RAP1GAP2: variants seen among roughly 807,000 people sequenced by gnomAD.
RAP1GAP2 encodes the protein RAP1 GTPase activating protein 2.
In RAP1GAP2, 27 loss-of-function variants were observed where a neutral mutation model predicts 95.0. That is an observed-to-expected ratio of 0.28 (90% CI 0.21 to 0.39). The LOEUF (loss-of-function observed/expected upper bound fraction) is 0.39. Among genes scored for constraint, RAP1GAP2 ranks in the 10% least tolerant of loss-of-function variants. The pLI, the probability that RAP1GAP2 is intolerant of heterozygous loss-of-function variation, is 1.00. For synonymous variants in RAP1GAP2, 373 were observed against 380.9 expected, an observed-to-expected ratio of 0.98 and a Z score of 0.24; for missense variants, 771 against 970.0, an observed-to-expected ratio of 0.79 and a Z score of 2.72.
chr17:2,941,075 G>C (rs2043475724), intron 3 of RAP1GAP2, among the ~76,000 whole-genome samples: 1 of 152,178 alleles, frequency 6.6e-6, no homozygotes, highest in African/African-American at 2.4e-5. Context: ...AGAGTTTTAA[G>C]CTGCGAACTG....
intron 2 of RAP1GAP2, among the ~76,000 whole-genome samples, chr17:2,835,060 C>T (rs1049252168): frequency 2.7e-5 from 4 of 149,464 alleles, no homozygotes; most frequent in African/African-American, 4.9e-5. Context: ...GCTGGGACTA[C>T]AGGCGCCCGC....
At chr17:2,774,884 G>A (rs533695185), upstream of RAP1GAP2, among the ~76,000 whole-genome samples, 592 of 142,676 alleles carry the variant, frequency 4.1e-3, 2 homozygotes, top group African/African-American at 0.015. Context: ...GCAGTGATGC[G>A]ATCTCAGCTC....
chr17:3,030,858 C>T (rs913216205), intron 22 of RAP1GAP2, 64 bp from the exon 23 acceptor site: 6 of 1,471,874 alleles, frequency 4.1e-6, no homozygotes, highest in Admixed American at 1.9e-5. Context: ...CTAGCCAGTC[C>T]CCACACACAG....
At chr17:2,815,456 A>ATATTAT (rs10675930) in intron 2 of RAP1GAP2, among the ~76,000 whole-genome samples, 17,309 of 139,942 alleles carry the variant, frequency 0.12, 1,279 homozygotes, top group African/African-American at 0.2. Flanking sequence ...AACATCTCTG[A>ATATTAT]TATTATTATT....
chr17:2,906,182 G>A lies in RAP1GAP2; in HGVS notation c.165+814G>A, dbSNP rs536624482. ...CACCTGCCTCCTGAGTCATCTGAGG[G>A]GACATCTAGGCCAGCTCCTCTCTGT... On this transcript the variant is annotated intron_variant, in intron 3 of 24. Transcript: ENST00000254695. This position sits in a 1 kb window ranked among gnomAD's most constrained non-coding sequence, Gnocchi z 4.3. Among the ~76,000 whole-genome samples the A allele has an allele frequency of 9.2e-5, 14 of 152,210 alleles. No individual in the cohort carries two copies. Among genetic ancestry groups the A allele is most frequent in the South Asian group, 6.2e-4 (3 of 4,828 alleles).
At chr17:2,911,125 G>C (rs935701988) in intron 3 of RAP1GAP2, among the ~76,000 whole-genome samples, 2 of 152,200 alleles carry the variant, frequency 1.3e-5, no homozygotes, top group Non-Finnish European at 2.9e-5. Flanking sequence ...GGAAGGGCTG[G>C]CTGGAGCAGT....
intron 2 of RAP1GAP2, among the ~76,000 whole-genome samples, chr17:2,898,825 G>A (rs374087852): frequency 2.0e-5 from 3 of 150,334 alleles, no homozygotes; most frequent in Admixed American, 1.3e-4. Context: ...TCCTCATAAC[G>A]CCCCATGAGG....
chr17:2,927,321 T>C (rs902873942), intron 3 of RAP1GAP2, among the ~76,000 whole-genome samples: 1 of 151,098 alleles, frequency 6.6e-6, no homozygotes, highest in African/African-American at 2.4e-5. Flanking sequence ...GCCCGGCTAA[T>C]TTTTTGTATT....
chr17:2,766,102 G>T (rs1412715667), intron 1 of RAP1GAP2, among the ~76,000 whole-genome samples: 1 of 152,216 alleles, frequency 6.6e-6, no homozygotes, highest in East Asian at 1.9e-4. Flanking sequence ...GACAGATGCT[G>T]TGGTTGGGCG....
chr17:3,008,413 A>T lies in RAP1GAP2; in HGVS notation c.1494+268A>T, dbSNP rs1357920501. 2.0e-5 allele frequency among the ~76,000 whole-genome samples: 3 copies of T among 152,186 alleles called. No homozygotes were observed. The highest frequency in any genetic ancestry group is 7.2e-5 in the African/African-American group (3 of 41,444). ...GGGCCCAGAAGTCTGTTAAGCAGGG[A>T]CAGGTAAAGAGGTAGCAGTAGGAGA... On this transcript the variant is annotated intron_variant, in intron 17 of 24. Transcript: ENST00000254695. The surrounding 1 kb of genome is among the most constrained non-coding windows in gnomAD (Gnocchi z 4.2).
intron 3 of RAP1GAP2, among the ~76,000 whole-genome samples, chr17:2,922,906 T>G (rs2317394): frequency 0.84 from 125,006 of 148,542 alleles, 53,034 homozygotes; most frequent in African/African-American, 0.96. Flanking sequence ...GACCTTGCAC[T>G]ACCTTGGCTT....
chr17:2,770,316 G>C, intron 1 of RAP1GAP2: 2 of 398,636 alleles, frequency 5.0e-6, no homozygotes, highest in Non-Finnish European at 8.8e-6. Context: ...ACTCTCTCCT[G>C]TCCTGCCCAC....
intron 2 of RAP1GAP2, among the ~76,000 whole-genome samples, chr17:2,809,142 C>T (rs1049771697): frequency 1.3e-5 from 2 of 152,178 alleles, no homozygotes; most frequent in African/African-American, 4.8e-5. Context: ...CCCTGCCATG[C>T]CCAGGAAGCC....
chr17:2,956,274 G>T (rs532519044), intron 3 of RAP1GAP2, among the ~76,000 whole-genome samples: 30 of 152,220 alleles, frequency 2.0e-4, no homozygotes, highest in Non-Finnish European at 8.8e-5. Flanking sequence ...ACATTCACAC[G>T]TGGGGTTTCT....
At position 2,871,466 on chromosome 17, in the gene RAP1GAP2, CAA is replaced by C. The variant is rs974925781; in HGVS notation, c.81-33817_81-33816del. Among the ~76,000 whole-genome samples, 1 of 152,140 alleles carries C rather than the reference CAA, an allele frequency of 6.6e-6. No homozygotes were observed. The highest frequency in any genetic ancestry group is 1.5e-5 in the Non-Finnish European group (1 of 68,022). On this transcript the variant is annotated intron_variant, in intron 2 of 24. Transcript: ENST00000254695. The surrounding 1 kb of genome is among the most constrained non-coding windows in gnomAD (Gnocchi z 5.0). ...CTCTGGTCAGAGTGGTGTTGTGTTA[CAA>C]GAGTCCTGTCCAGCGGGAGAGGGGC...
rs886524610 is a variant in RAP1GAP2, at chr17:2,870,160, C to T, written c.81-35124C>T. On this transcript the variant is annotated intron_variant, in intron 2 of 24. Coordinates refer to ENST00000254695, the MANE Select transcript of RAP1GAP2 (RefSeq NM_015085.5). The surrounding 1 kb of genome is among the most constrained non-coding windows in gnomAD (Gnocchi z 4.4). ...GGAGATGGAGTCTCGCACTGTCACC[C>T]GGGCTGGAATGCAATGGTGCAATCT... is the stretch of plus-strand genomic sequence containing the variant. Among the ~76,000 whole-genome samples the T allele has an allele frequency of 3.2e-4, 48 of 151,552 alleles. No individual in the cohort carries two copies. Among genetic ancestry groups the T allele is most frequent in the African/African-American group, 9.9e-4 (41 of 41,220 alleles).
intron 13 of RAP1GAP2, among the ~76,000 whole-genome samples, chr17:2,997,591 G>T (rs1009226805): frequency 6.6e-6 from 1 of 152,076 alleles, no homozygotes. Context: ...TCTACCTAAC[G>T]ACTTGGCCAT....
chr17:2,884,475 C>T (rs1377464062), intron 2 of RAP1GAP2, among the ~76,000 whole-genome samples: 3 of 149,640 alleles, frequency 2.0e-5, no homozygotes, highest in African/African-American at 4.9e-5. Context: ...CCGGTTCAAG[C>T]GATTCTCCTG....
At chr17:2,849,834 C>A (rs949053029) in intron 2 of RAP1GAP2, among the ~76,000 whole-genome samples, 1 of 152,200 alleles carries the variant, frequency 6.6e-6, no homozygotes, top group Non-Finnish European at 1.5e-5. Context: ...CTGCGGTCTG[C>A]ATGTATCCAG....
Sources: allele counts gnomAD v4.1 joint callset (sites outside exome capture counted in the v4.1 genomes callset), GRCh38; gene constraint gnomAD v4.1.1; non-coding constraint Gnocchi (gnomAD v3.1); transcripts MANE v1.5; gene names NCBI Gene and HGNC (gene_info 2026-07-23, HGNC 2026-07-21).